Variants in EYS observed in about 807,000 individuals in gnomAD.
EYS encodes EGF-like photoreceptor maintenance factor.
EYS carries 250 observed loss-of-function variants against 282.1 expected under a neutral mutation model. The ratio of observed to expected loss-of-function variants is 0.89; its 90% confidence interval spans 0.80 to 0.98. The LOEUF (loss-of-function observed/expected upper bound fraction) is 0.98, where lower values mean the gene tolerates loss of function less well. Ranked by LOEUF, EYS falls within the 50% of genes least tolerant of loss-of-function variation. The pLI is 0.00. For missense variants in EYS, 4,016 were observed against 3,709.0 expected (o/e 1.08, Z -2.15); for synonymous variants, 1,355 against 1,282.9 (o/e 1.06, Z -1.20).
At chr6:64,511,005 C>T in intron 26 of EYS, among the ~76,000 whole-genome samples, 1 of 151,932 alleles carries the variant, frequency 6.6e-6, no homozygotes, top group East Asian at 1.9e-4. Flanking sequence ...GTCCTTCTCT[C>T]CTCCTATGCC....
chr6:64,342,209 A>C (rs1052985197), intron 29 of EYS, among the ~76,000 whole-genome samples: 1 of 151,656 alleles, frequency 6.6e-6, no homozygotes, highest in African/African-American at 2.4e-5. Flanking sequence ...AAAACGCATA[A>C]AATGTCTATT....
At chr6:64,323,905 C>T (rs1205557076) in intron 29 of EYS, among the ~76,000 whole-genome samples, 1 of 152,078 alleles carries the variant, frequency 6.6e-6, no homozygotes, top group Non-Finnish European at 1.5e-5. Flanking sequence ...GGCAAGTTGA[C>T]TTTACATTTG....
At chr6:63,874,228 C>T (rs775353173) in intron 35 of EYS, among the ~76,000 whole-genome samples, 5 of 152,124 alleles carry the variant, frequency 3.3e-5, no homozygotes, top group Non-Finnish European at 5.9e-5. Context: ...GCCAGTTTTC[C>T]GAGCACCATT....
rs371074142 is a variant in EYS at position 64,841,933 on chromosome 6, T to C, written c.2993-19111A>G. 5.9e-4 allele frequency among the ~76,000 whole-genome samples: 90 copies of C among 152,182 alleles called. 1 individual carries two copies. In the East Asian group the frequency reaches 8.9e-3, roughly 15 times the overall value. On this transcript the variant is annotated intron_variant, in intron 19 of 42. Coordinates refer to ENST00000503581, the MANE Select transcript of EYS (RefSeq NM_001142800.2). ...ATTCCACAGTCCTTTATTAAAACCA[T>C]GGAAATCAAGCAAGTGATGGAAATG... is the stretch of plus-strand genomic sequence containing the variant.
At chr6:64,395,290 C>T (rs1773321318) in intron 28 of EYS, among the ~76,000 whole-genome samples, 1 of 152,022 alleles carries the variant, frequency 6.6e-6, no homozygotes. Context: ...GGGTATATAC[C>T]CAAAGGACTC....
chr6:65,627,035 T>TTTC (rs1766727097), intron 2 of EYS, among the ~76,000 whole-genome samples: 2 of 151,666 alleles, frequency 1.3e-5, no homozygotes, highest in Admixed American at 1.3e-4. Context: ...TTCTCTTTCT[T>TTTC]TCTCTCTTTC....
intron 1 of EYS, among the ~76,000 whole-genome samples, chr6:65,645,464 T>C (rs1767418803): frequency 6.6e-6 from 1 of 152,144 alleles, no homozygotes; most frequent in Non-Finnish European, 1.5e-5. Flanking sequence ...AAGATGGATA[T>C]TAAAAACGTT....
chr6:64,945,710 G>C, intron 15 of EYS, 83 bp downstream of exon 15: 1 of 1,235,124 alleles, frequency 8.1e-7, no homozygotes, highest in Non-Finnish European at 1.1e-6. Context: ...TGTATCTAAA[G>C]TGAAAATAAT....
intron 28 of EYS, among the ~76,000 whole-genome samples, chr6:64,434,358 C>A (rs1651247805): frequency 6.6e-6 from 1 of 152,052 alleles, no homozygotes; most frequent in Admixed American, 6.6e-5. Flanking sequence ...GGCAGCCCAG[C>A]ATCCTAGTAA....
intron 14 of EYS, among the ~76,000 whole-genome samples, chr6:64,969,203 T>C (rs1770205760): frequency 6.6e-6 from 1 of 152,144 alleles, no homozygotes; most frequent in Non-Finnish European, 1.5e-5. Context: ...TGAAGCTAAA[T>C]TGTCAGCTGA....
intron 22 of EYS, among the ~76,000 whole-genome samples, chr6:64,788,562 G>A (rs568212159): frequency 3.9e-5 from 6 of 152,266 alleles, no homozygotes; most frequent in African/African-American, 1.2e-4. Flanking sequence ...AACAGTGCTT[G>A]GAATGGAGAG....
intron 24 of EYS, among the ~76,000 whole-genome samples, chr6:64,604,499 C>A (rs628210): frequency 6.6e-6 from 1 of 151,978 alleles, no homozygotes; most frequent in Non-Finnish European, 1.5e-5. Context: ...AGCACACAAG[C>A]TCCATCTAAG....
intron 41 of EYS, among the ~76,000 whole-genome samples, chr6:63,743,825 C>T (rs1474790337): frequency 6.6e-6 from 1 of 152,190 alleles, no homozygotes; most frequent in Non-Finnish European, 1.5e-5. Context: ...CTCCACACTT[C>T]TGCCAAAAAC....
At chr6:63,783,954 G>A (rs1178512437) in intron 39 of EYS, among the ~76,000 whole-genome samples, 2 of 152,192 alleles carry the variant, frequency 1.3e-5, no homozygotes, top group African/African-American at 2.4e-5. Context: ...CCTCCCTAAT[G>A]TGGGTGGGCC....
At chr6:65,053,470 C>T (rs1773331211) in intron 13 of EYS, among the ~76,000 whole-genome samples, 1 of 151,686 alleles carries the variant, frequency 6.6e-6, no homozygotes, top group Non-Finnish European at 1.5e-5. Context: ...GAGTCATCTA[C>T]TTCTTATATA....
At chr6:65,337,018 G>A (rs1056663809) in intron 10 of EYS, among the ~76,000 whole-genome samples, 3 of 150,928 alleles carry the variant, frequency 2.0e-5, no homozygotes, top group Admixed American at 6.6e-5. Flanking sequence ...TTTGGTTTTG[G>A]TTCATAGCCA....
intron 28 of EYS, among the ~76,000 whole-genome samples, chr6:64,421,381 A>G (rs1425647080): frequency 2.0e-5 from 3 of 152,162 alleles, no homozygotes; most frequent in African/African-American, 7.2e-5. Flanking sequence ...TGAGACCTAA[A>G]ATTCAAGATG....
At chr6:65,194,701 C>T (rs1330599993) in intron 12 of EYS, among the ~76,000 whole-genome samples, 3 of 151,872 alleles carry the variant, frequency 2.0e-5, no homozygotes, top group Admixed American at 6.6e-5. Flanking sequence ...TTGAGAACAG[C>T]GAAGCAAGCA....
At chr6:64,019,617 G>C (rs1374962842) in intron 33 of EYS, among the ~76,000 whole-genome samples, 1 of 151,446 alleles carries the variant, frequency 6.6e-6, no homozygotes, top group Non-Finnish European at 1.5e-5. Flanking sequence ...CACCATATTG[G>C]CCAGGCTGGT....
Sources: allele counts gnomAD v4.1 joint callset (sites outside exome capture counted in the v4.1 genomes callset), GRCh38; gene constraint gnomAD v4.1.1; transcripts MANE v1.5; gene names NCBI Gene and HGNC (gene_info 2026-07-23, HGNC 2026-07-21).